Variants in MTOR observed in about 807,000 individuals in gnomAD.
The protein encoded by MTOR is serine/threonine-protein kinase mTOR.
A neutral mutation model predicts 319.8 loss-of-function variants in MTOR; 70 were observed. The ratio of observed to expected loss-of-function variants is 0.22; its 90% CI spans 0.18 to 0.27. The LOEUF (loss-of-function observed/expected upper bound fraction) is 0.27. MTOR is among the 10% of genes least tolerant of loss of function. The pLI is 1.00. For synonymous variants in MTOR, 1,183 were observed against 1,211.4 expected, an observed-to-expected ratio of 0.98 and a Z score of 0.49; for missense variants, 1,890 against 3,274.4, an observed-to-expected ratio of 0.58 and a Z score of 10.32.
Position 11,256,198 on chromosome 1 carries a change from G to GA in MTOR, c.505-7dup, listed in dbSNP as rs750955155. On this transcript the variant is annotated splice_polypyrimidine_tract_variant and splice_region_variant and intron_variant, in intron 4 of 57. Coordinates refer to ENST00000361445, the MANE Select transcript of MTOR (RefSeq NM_004958.4). ...AGCTCACGGAGAACCAGGACCTGGAGAAAAAAGCAAACCGAGAACTCTCAT... is the reference window on the plus strand; with the variant it reads ...AGCTCACGGAGAACCAGGACCTGGAGAAAAAAAGCAAACCGAGAACTCTCAT... The GA allele has an allele frequency of 6.2e-7, 1 of 1,611,804 alleles. No individual in the cohort carries two copies. Among genetic ancestry groups the GA allele is most frequent in the East Asian group, 2.2e-5 (1 of 44,874 alleles).
At chr1:11,237,503 G>A (rs953665193) in intron 13 of MTOR, among the ~76,000 whole-genome samples, 2 of 152,000 alleles carry the variant, frequency 1.3e-5, no homozygotes, top group African/African-American at 4.8e-5. Flanking sequence ...GGATAGGGAG[G>A]CGCTGGGAAG....
At chr1:11,191,346 T>C (rs763100639) in intron 28 of MTOR, among the ~76,000 whole-genome samples, 2 of 152,200 alleles carry the variant, frequency 1.3e-5, no homozygotes, top group Admixed American at 6.5e-5. Flanking sequence ...AGAATAGTGA[T>C]GGCGAAGGCA....
chr1:11,160,949 G>T (rs1488511179), intron 29 of MTOR, among the ~76,000 whole-genome samples: 1 of 152,150 alleles, frequency 6.6e-6, no homozygotes, highest in Non-Finnish European at 1.5e-5. Context: ...AGGACAGTGG[G>T]TGCAGCCCAT....
intron 29 of MTOR, among the ~76,000 whole-genome samples, chr1:11,161,766 C>T (rs1644486078): frequency 6.6e-6 from 1 of 152,184 alleles, no homozygotes; most frequent in Admixed American, 6.5e-5. Flanking sequence ...AGGACATCCA[C>T]ACCAAAACCC....
At chr1:11,261,345 G>A (rs1287665005) in intron 1 of MTOR, among the ~76,000 whole-genome samples, 1 of 151,364 alleles carries the variant, frequency 6.6e-6, no homozygotes, top group Non-Finnish European at 1.5e-5. Flanking sequence ...GGTGGCGGGC[G>A]CCTGTAGTCC....
At chr1:11,114,943 C>T (rs1025012299) in intron 51 of MTOR, 56 bp from the exon 52 acceptor site, 1 of 1,519,148 alleles carries the variant, frequency 6.6e-7, no homozygotes, top group African/African-American at 1.4e-5. Flanking sequence ...TTACCTGGAG[C>T]CAGGTGGAGC....
intron 6 of MTOR, among the ~76,000 whole-genome samples, chr1:11,252,277 A>AT (rs895815689): frequency 3.0e-4 from 45 of 149,578 alleles, no homozygotes; most frequent in Admixed American, 7.3e-4. Context: ...TTTTTCCTTG[A>AT]TTTTTTTTTT....
intron 28 of MTOR, among the ~76,000 whole-genome samples, chr1:11,168,488 G>A (rs2100614521): frequency 6.6e-6 from 1 of 152,204 alleles, no homozygotes; most frequent in East Asian, 1.9e-4. Context: ...CCTGGGAGCT[G>A]TGGCAATGCA....
At chr1:11,226,016 T>C (rs1381824222) in intron 19 of MTOR, among the ~76,000 whole-genome samples, 6 of 152,204 alleles carry the variant, frequency 3.9e-5, no homozygotes, top group Admixed American at 3.3e-4. Context: ...CCAAAAATTC[T>C]AAGCTGAACT....
chr1:11,220,710 A>G (rs1646633800), intron 19 of MTOR, among the ~76,000 whole-genome samples: 1 of 152,164 alleles, frequency 6.6e-6, no homozygotes, highest in Non-Finnish European at 1.5e-5. Flanking sequence ...AAGGAAAACA[A>G]TTCTCCCCTA....
rs1280744828 is a variant in MTOR at position 11,139,516 on chromosome 1, G to T, written c.4998+17C>A. The T allele has an allele frequency of 6.2e-7, 1 of 1,614,160 alleles. No homozygotes were observed. The highest frequency in any genetic ancestry group is 8.5e-7 in the Non-Finnish European group (1 of 1,180,024). On this transcript the variant is annotated intron_variant, in intron 35 of 57. Coordinates refer to ENST00000361445, the MANE Select transcript of MTOR (RefSeq NM_004958.4). The stretch of plus-strand genomic sequence containing the variant: ...TGGGGCCCTACCTGCCCATGTGGGT[G>T]GGTGGTTGTCACTCACCAGCCTGCC...
At position 11,213,570 on chromosome 1, in the gene MTOR, CAAAG is replaced by C. The variant is rs770175261; in HGVS notation, c.3118-8_3118-5del. On this transcript the variant is annotated splice_polypyrimidine_tract_variant and splice_region_variant and intron_variant, in intron 20 of 57. Coordinates refer to ENST00000361445, the MANE Select transcript of MTOR (RefSeq NM_004958.4). Reference sequence around the variant, plus strand: ...AGGTGTTCATGACCCAGAATTCCTACAAAGAGAGAAAAGTCAGAGGAGCTGAGTC... The same window carrying C: ...AGGTGTTCATGACCCAGAATTCCTACAGAGAAAAGTCAGAGGAGCTGAGTC... 1.2e-6 allele frequency: 2 copies of C among 1,612,626 alleles called. No individual in the cohort carries two copies. The highest frequency in any genetic ancestry group is 1.7e-6 in the Non-Finnish European group (2 of 1,179,370).
intron 8 of MTOR, among the ~76,000 whole-genome samples, chr1:11,244,555 C>T (rs1237901700): frequency 3.9e-5 from 6 of 151,988 alleles, no homozygotes; most frequent in African/African-American, 7.2e-5. Flanking sequence ...CACTTGAACC[C>T]GGGAGGCAGA....
In MTOR at chr1:11,228,694, G is replaced by T. The variant is rs770601118; in HGVS notation, c.3004C>A (p.Arg1002=). 59 of 1,613,936 alleles carry T rather than the reference G, an allele frequency of 3.7e-5. No individual in the cohort carries two copies. The highest frequency in any genetic ancestry group is 4.7e-5 in the Non-Finnish European group (55 of 1,180,006). Reference sequence around the variant, plus strand: ...TCCCGGATGGCCCCATCACAGACTCGAATGACGTTAAGGAACGTGGGCATG... The same window carrying T: ...TCCCGGATGGCCCCATCACAGACTCTAATGACGTTAAGGAACGTGGGCATG... ...QVMPTFLNVI[R]VCDGAIREFL... is the part of the protein sequence containing the mutation. The change falls in exon 19 of 58, where the codon CGA becomes AGA. Residue 1002 remains arginine (R), a synonymous_variant. Coordinates refer to ENST00000361445, the MANE Select transcript of MTOR (RefSeq NM_004958.4).
intron 26 of MTOR, among the ~76,000 whole-genome samples, chr1:11,202,532 G>A (rs1270508612): frequency 6.6e-6 from 1 of 151,494 alleles, no homozygotes; most frequent in African/African-American, 2.4e-5. Flanking sequence ...TTCAGGTGAT[G>A]GTTCTACGAA....
rs143041125 is a variant in MTOR, at chr1:11,107,484, G to C, written c.*1C>G. On this transcript the variant is annotated 3_prime_UTR_variant, in exon 58 of 58. Transcript: ENST00000361445. ...CGTGATGGGCACATCTGGGCCTCCAGTTACCAGAAAGGGCACCTAAGAAGG... is the reference window on the plus strand; with the variant it reads ...CGTGATGGGCACATCTGGGCCTCCACTTACCAGAAAGGGCACCTAAGAAGG... The C allele has an allele frequency of 1.3e-3, 2,163 of 1,612,948 alleles. 31 individuals are homozygous for C. The African/African-American group carries it at 0.025, about 19-fold the overall frequency.
intron 29 of MTOR, among the ~76,000 whole-genome samples, chr1:11,165,681 A>G (rs1644621207): frequency 1.3e-5 from 2 of 152,130 alleles, no homozygotes; most frequent in South Asian, 2.1e-4. Flanking sequence ...AAGGTAATTT[A>G]TAGATTCAAT....
chr1:11,213,619 T>C (rs1454420777), intron 20 of MTOR, 53 bp from the exon 21 acceptor site: 5 of 1,569,086 alleles, frequency 3.2e-6, no homozygotes, highest in African/African-American at 1.4e-5. Context: ...TCTGATGATA[T>C]ATGAACAAAG....
chr1:11,217,842 A>G (rs1161752198), intron 19 of MTOR, among the ~76,000 whole-genome samples: 1 of 152,038 alleles, frequency 6.6e-6, no homozygotes, highest in Non-Finnish European at 1.5e-5. Context: ...AATAAAAAGC[A>G]TTACTTAAAA....
Sources: allele counts gnomAD v4.1 joint callset (sites outside exome capture counted in the v4.1 genomes callset), GRCh38; gene constraint gnomAD v4.1.1; transcripts MANE v1.5; gene names NCBI Gene and HGNC (gene_info 2026-07-23, HGNC 2026-07-21).